Variants in STOX2 observed in about 807,000 individuals in gnomAD.
The protein encoded by STOX2 is storkhead box 2.
In STOX2, 28 loss-of-function variants were observed where a neutral mutation model predicts 60.9. The observed-to-expected ratio is 0.46, with a 90% CI of 0.34 to 0.63. The LOEUF (loss-of-function observed/expected upper bound fraction) is 0.63. Among genes scored for constraint, STOX2 ranks in the 30% least tolerant of loss-of-function variants. The pLI is 0.01. For synonymous variants in STOX2, 472 were observed against 463.9 expected (o/e 1.02, Z -0.22); for missense variants, 1,024 against 1,187.7 (o/e 0.86, Z 2.03).
rs1195866402 is a variant in STOX2, at chr4:183,825,187, C to G, written c.364+27132C>G. Among the ~76,000 whole-genome samples, 1 of 152,222 alleles carries G rather than the reference C, an allele frequency of 6.6e-6. No individual in the cohort carries two copies. Among genetic ancestry groups the G allele is most frequent in the Non-Finnish European group, 1.5e-5 (1 of 68,034 alleles). The stretch of plus-strand genomic sequence containing the variant: ...GTCAGGAGGTCGTGGTGGATGGTCT[C>G]AGGTCCACCATGAGGACGGCTGGGA... On this transcript the variant is annotated intron_variant, in intron 1 of 2. Transcript: ENST00000513034. The surrounding 1 kb of genome is among the most constrained non-coding windows in gnomAD (Gnocchi z 4.1).
chr4:184,005,834 G>A (rs1357685265), intron 2 of STOX2, among the ~76,000 whole-genome samples: 1 of 152,158 alleles, frequency 6.6e-6, no homozygotes, highest in Non-Finnish European at 1.5e-5. Context: ...TCAGGTCACA[G>A]CATGGAAAAT....
At chr4:183,902,638 G>A (rs75559152), upstream of STOX2, among the ~76,000 whole-genome samples, 1,393 of 152,274 alleles carry the variant, frequency 9.1e-3, 20 homozygotes, top group African/African-American at 0.032. Context: ...AACACAGATG[G>A]ACAGACTGAG....
At chr4:183,915,923 C>T (rs1026445443) in intron 1 of STOX2, among the ~76,000 whole-genome samples, 13 of 152,238 alleles carry the variant, frequency 8.5e-5, no homozygotes, top group Non-Finnish European at 1.8e-4. Context: ...CTAGTTCCAG[C>T]GGCCACAGGA....
intron 1 of STOX2, among the ~76,000 whole-genome samples, chr4:183,893,330 C>T (rs1741269799): frequency 2.0e-5 from 3 of 152,188 alleles, no homozygotes; most frequent in Admixed American, 1.3e-4. Context: ...GACTGTTAGC[C>T]GACCTAACAG....
chr4:183,937,305 T>A, intron 1 of STOX2, among the ~76,000 whole-genome samples: 1 of 152,238 alleles, frequency 6.6e-6, no homozygotes, highest in East Asian at 1.9e-4. Context: ...TCCTAGTTAA[T>A]GTCAGTTTCC....
intron 1 of STOX2, among the ~76,000 whole-genome samples, chr4:183,829,434 C>T (rs779285568): frequency 4.6e-5 from 7 of 152,172 alleles, no homozygotes; most frequent in Non-Finnish European, 7.3e-5. Flanking sequence ...GTCACACTTG[C>T]AGGCCTTTCC....
Position 184,017,363 on chromosome 4 carries a change from G to A in STOX2, c.*79G>A. ...ACTGGGACTGATGTTTACATCTTTG[G>A]AAAGACAAGCATCTCAACCACAGTT... is the stretch of plus-strand genomic sequence containing the variant. On this transcript the variant is annotated 3_prime_UTR_variant, in exon 4 of 4. Transcript: ENST00000308497. The A allele has an allele frequency of 3.7e-6, 5 of 1,356,890 alleles. No individual in the cohort carries two copies. The highest frequency in any genetic ancestry group is 4.0e-6 in the Non-Finnish European group (4 of 1,012,198). The allele number at this position is 1,356,890 out of a possible 1,614,324, so 84.1% of individuals were successfully genotyped here. A position where few individuals can be genotyped will look rare whatever the true frequency, so the allele number is the denominator to read the frequency against.
intron 1 of STOX2, among the ~76,000 whole-genome samples, chr4:183,847,832 A>G (rs1740022061): frequency 6.6e-6 from 1 of 152,208 alleles, no homozygotes. Flanking sequence ...GGCCCTTGGA[A>G]TTCCCTATTC....
At chr4:183,914,374 G>A (rs942361814) in intron 1 of STOX2, among the ~76,000 whole-genome samples, 2 of 152,172 alleles carry the variant, frequency 1.3e-5, no homozygotes, top group African/African-American at 4.8e-5. Context: ...GGAGGTTGAG[G>A]CCTCAGCGAG....
chr4:183,798,149 C>T, intron 1 of STOX2: 1 of 1,161,560 alleles, frequency 8.6e-7, no homozygotes, highest in Non-Finnish European at 1.1e-6. Context: ...CCCAGCCCGC[C>T]GCGGGCACCG....
chr4:184,005,733 C>A (rs1560936006), intron 2 of STOX2, among the ~76,000 whole-genome samples: 1 of 152,164 alleles, frequency 6.6e-6, no homozygotes. Context: ...TCTGGCAGAA[C>A]CCTGAATTTC....
intron 1 of STOX2, among the ~76,000 whole-genome samples, chr4:183,874,885 C>T (rs1336435245): frequency 7.9e-6 from 1 of 125,872 alleles, no homozygotes; most frequent in Non-Finnish European, 1.6e-5. Context: ...AAGATCATGC[C>T]ACTGCACTCC....
At chr4:183,960,833 A>T (rs1359943689) in intron 1 of STOX2, among the ~76,000 whole-genome samples, 2 of 152,202 alleles carry the variant, frequency 1.3e-5, no homozygotes, top group Non-Finnish European at 2.9e-5. Flanking sequence ...TGACCATAAT[A>T]TCTGATTGCT....
rs77693040 is a variant in STOX2 at position 183,938,351 on chromosome 4, G to A, written c.166+31395G>A. Among the ~76,000 whole-genome samples the A allele has an allele frequency of 7.8e-3, 1,180 of 152,256 alleles. 17 individuals are homozygous for A. The highest frequency in any genetic ancestry group is 0.027 in the African/African-American group (1,133 of 41,538). Reference sequence around the variant, plus strand: ...GTGTTAGTAAATTAACATGCAAGAAGCAAGCTCATTTGTCACTTTAAAAAA... The same window carrying A: ...GTGTTAGTAAATTAACATGCAAGAAACAAGCTCATTTGTCACTTTAAAAAA... On this transcript the variant is annotated intron_variant, in intron 1 of 3. Coordinates refer to ENST00000308497, the MANE Select transcript of STOX2 (RefSeq NM_020225.3).
At chr4:183,958,220 A>G (rs1005180945) in intron 1 of STOX2, among the ~76,000 whole-genome samples, 11 of 152,276 alleles carry the variant, frequency 7.2e-5, no homozygotes, top group South Asian at 2.1e-4. Context: ...CGTGAATGCT[A>G]TGGGAGCTCT....
intron 1 of STOX2, among the ~76,000 whole-genome samples, chr4:183,933,455 C>A (rs1469046881): frequency 1.3e-5 from 2 of 152,174 alleles, no homozygotes; most frequent in Non-Finnish European, 2.9e-5. Context: ...ATGGCATGAT[C>A]TCGGCTCACT....
intron 1 of STOX2, among the ~76,000 whole-genome samples, chr4:183,831,058 C>A (rs1739554833): frequency 6.6e-6 from 1 of 151,756 alleles, no homozygotes; most frequent in Non-Finnish European, 1.5e-5. Flanking sequence ...TACATGGGAC[C>A]GAACTCCGGG....
chr4:183,999,982 A>G (rs1403050033), intron 1 of STOX2, among the ~76,000 whole-genome samples: 1 of 152,240 alleles, frequency 6.6e-6, no homozygotes, highest in Non-Finnish European at 1.5e-5. Context: ...AGGCTAGATT[A>G]TGGAAGTACA....
chr4:183,895,788 C>G (rs891210234), intron 1 of STOX2, among the ~76,000 whole-genome samples: 12 of 152,188 alleles, frequency 7.9e-5, no homozygotes, highest in Non-Finnish European at 1.3e-4. Flanking sequence ...CAGTCGTACA[C>G]CGCCAGGGAA....
Sources: gnomAD v4.1 joint callset for allele counts (sites outside exome capture counted in the v4.1 genomes callset) on GRCh38, gnomAD v4.1.1 for gene constraint, Gnocchi (gnomAD v3.1) non-coding constraint, MANE v1.5 for transcripts, NCBI Gene and HGNC (gene_info 2026-07-23, HGNC 2026-07-21) for gene names.